ZCCHC2: variants seen among roughly 807,000 people sequenced by gnomAD.
ZCCHC2 encodes the protein zinc finger CCHC-type containing 2, also known as zinc finger CCHC domain-containing protein 2.
In ZCCHC2, 39 loss-of-function variants were observed where a neutral mutation model predicts 103.6. The observed-to-expected ratio is 0.38, with a 90% CI of 0.29 to 0.49. The LOEUF (loss-of-function observed/expected upper bound fraction) is 0.49. Among genes scored for constraint, ZCCHC2 ranks in the 20% least tolerant of loss-of-function variants. The pLI is 0.96. For synonymous variants in ZCCHC2, 687 were observed against 608.9 expected (o/e 1.13, Z -1.89); for missense variants, 1,483 against 1,491.0 (o/e 0.99, Z 0.09).
intron 4 of ZCCHC2, among the ~76,000 whole-genome samples, chr18:62,547,322 T>C (rs1331786309): frequency 1.0e-5 from 1 of 100,342 alleles, no homozygotes; most frequent in Non-Finnish European, 2.0e-5. Context: ...CAAAACTCCA[T>C]CTTAAAAAAA....
At chr18:62,568,907 G>A (rs1916480244) in intron 11 of ZCCHC2, among the ~76,000 whole-genome samples, 1 of 152,182 alleles carries the variant, frequency 6.6e-6, no homozygotes, top group African/African-American at 2.4e-5. Flanking sequence ...AGCCATTGGT[G>A]GTGTTGACTT....
In ZCCHC2 at chr18:62,563,135, G is replaced by A. The variant is rs759060819; in HGVS notation, c.1677G>A (p.Ser559=). 35 of 1,612,882 alleles carry A rather than the reference G, an allele frequency of 2.2e-5. No individual in the cohort carries two copies. Among genetic ancestry groups the A allele is most frequent in the Middle Eastern group, 1.6e-4 (1 of 6,082 alleles). ...TIQHPEHCVT[S]ADQHSAEKRS... is the part of the protein sequence containing the mutation. ...AACACCCAGAGCACTGTGTGACCTCGGCTGACCAGGTGTGTGGGGAGTTTG... is the reference window on the plus strand; with the variant it reads ...AACACCCAGAGCACTGTGTGACCTCAGCTGACCAGGTGTGTGGGGAGTTTG... Residue 559 remains serine (S), a synonymous_variant, in exon 9 of 14, where the codon TCG becomes TCA. Coordinates refer to ENST00000269499, the MANE Select transcript of ZCCHC2 (RefSeq NM_017742.6).
At chr18:62,564,368 G>A (rs1456633205) in intron 9 of ZCCHC2, among the ~76,000 whole-genome samples, 1 of 152,148 alleles carries the variant, frequency 6.6e-6, no homozygotes, top group Admixed American at 6.5e-5. Context: ...AAATAATACT[G>A]TATTAATCAT....
At chr18:62,570,308 T>C in intron 12 of ZCCHC2, 77 bp downstream of exon 12, 1 of 1,533,218 alleles carries the variant, frequency 6.5e-7, no homozygotes, top group Non-Finnish European at 8.8e-7. Flanking sequence ...TGTTTCTTCA[T>C]GTCAAAGTCA....
intron 3 of ZCCHC2, among the ~76,000 whole-genome samples, chr18:62,543,867 CAA>C (rs35580462): frequency 0.23 from 34,943 of 152,030 alleles, 4,164 homozygotes; most frequent in South Asian, 0.29. Context: ...ATCCCTGACA[CAA>C]GAGTCAGAAC....
intron 13 of ZCCHC2, among the ~76,000 whole-genome samples, chr18:62,576,166 T>C (rs1385547601): frequency 6.6e-6 from 1 of 152,262 alleles, no homozygotes. Flanking sequence ...GTCTTACCTA[T>C]GTTTGAGTAA....
At position 62,523,469 on chromosome 18, in the gene ZCCHC2, G is replaced by A; in HGVS notation, c.45G>A (p.Glu15=). The A allele has an allele frequency of 9.2e-7, 1 of 1,089,052 alleles. No homozygotes were observed. Among genetic ancestry groups the A allele is most frequent in the South Asian group, 2.2e-5 (1 of 45,602 alleles). 67.5% of individuals were successfully genotyped at this position (1,089,052 alleles called of 1,614,324 possible). A position where few individuals can be genotyped will look rare whatever the true frequency, so the allele number is the denominator to read the frequency against. The part of the protein sequence containing the change: ...KLPLKPTHPA[E]PPPEAEEPEA... ...CGCTGAAGCCAACGCACCCCGCGGA[G>A]CCGCCGCCCGAGGCGGAGGAGCCCG... The change falls in exon 1 of 14, where the codon GAG becomes GAA. Residue 15 remains glutamate (E), a synonymous_variant. Transcript: ENST00000269499.
intron 3 of ZCCHC2, among the ~76,000 whole-genome samples, chr18:62,544,222 A>G (rs891685015): frequency 1.3e-4 from 20 of 152,236 alleles, no homozygotes; most frequent in Non-Finnish European, 4.4e-5. Flanking sequence ...CACACACCTC[A>G]GTAACCTAAC....
intron 1 of ZCCHC2, among the ~76,000 whole-genome samples, chr18:62,537,852 GACTGTCTTCA>G (rs966302250): frequency 6.6e-5 from 10 of 152,296 alleles, no homozygotes; most frequent in African/African-American, 2.2e-4. Context: ...GGAACTGCCT[GACTGTCTTCA>G]ACAGTAGCTA....
At chr18:62,573,930 C>G (rs777452234) in intron 12 of ZCCHC2, 127 bp from the exon 13 acceptor site, 10 of 938,108 alleles carry the variant, frequency 1.1e-5, no homozygotes, top group Non-Finnish European at 1.4e-5. Context: ...TCAGCTTGGA[C>G]AGTCAGGAAA....
intron 1 of ZCCHC2, 74 bp downstream of exon 1, chr18:62,524,437 ACGCCCCTTGCC>A: frequency 2.8e-6 from 4 of 1,422,872 alleles, no homozygotes; most frequent in Non-Finnish European, 3.6e-6. Context: ...TCGCTCTCGG[ACGCCCCTTGCC>A]CGAGCCCCAG....
At chr18:62,527,704 C>T (rs1460519588) in intron 1 of ZCCHC2, among the ~76,000 whole-genome samples, 1 of 152,050 alleles carries the variant, frequency 6.6e-6, no homozygotes, top group Non-Finnish European at 1.5e-5. Context: ...TGTGAGTGTC[C>T]TAGGAACTCT....
chr18:62,560,690 A>C (rs766422059), intron 8 of ZCCHC2, 46 bp downstream of exon 8: 3 of 1,437,860 alleles, frequency 2.1e-6, no homozygotes, highest in South Asian at 2.4e-5. Context: ...GTATGTTTTA[A>C]AATCAATGTA....
chr18:62,567,012 C>T (rs967443152), intron 11 of ZCCHC2, among the ~76,000 whole-genome samples: 3 of 152,152 alleles, frequency 2.0e-5, no homozygotes, highest in Non-Finnish European at 4.4e-5. Flanking sequence ...ATGAAAATAA[C>T]AACCTCAGCG....
At chr18:62,544,640 T>G (rs1915336237) in intron 3 of ZCCHC2, among the ~76,000 whole-genome samples, 162 bp from the exon 4 acceptor site, 1 of 152,242 alleles carries the variant, frequency 6.6e-6, no homozygotes, top group African/African-American at 2.4e-5. Context: ...GCAGTTAATT[T>G]TACTAATTTT....
intron 1 of ZCCHC2, among the ~76,000 whole-genome samples, chr18:62,532,797 A>G (rs1435604978): frequency 6.6e-6 from 1 of 152,230 alleles, no homozygotes; most frequent in Non-Finnish European, 1.5e-5. Flanking sequence ...GCACTGTGGG[A>G]AGCTGAGGCG....
intron 5 of ZCCHC2, chr18:62,552,508 G>A (rs999894824): frequency 1.3e-5 from 2 of 152,088 alleles, no homozygotes; most frequent in African/African-American, 4.8e-5. Flanking sequence ...AAAAGTATTT[G>A]TACTGTATTT....
rs1914183695 is a variant in ZCCHC2 at position 62,523,724 on chromosome 18, G to C, written c.300G>C (p.Glu100Asp). 6.6e-7 allele frequency: 1 copy of C among 1,516,894 alleles called. No homozygotes were observed. The highest frequency in any genetic ancestry group is 8.8e-7 in the Non-Finnish European group (1 of 1,140,248). 94.0% of individuals were successfully genotyped at this position (1,516,894 alleles called of 1,614,324 possible). A position where few individuals can be genotyped will look rare whatever the true frequency, so the allele number is the denominator to read the frequency against. ...AALREQERVY[E>D]WFGLVLGSAQ... ...TGCGCGAGCAGGAGCGGGTATACGA[G>C]TGGTTCGGGCTGGTGCTGGGCTCGG... Residue 100 changes from glutamate to aspartate, a missense_variant, in exon 1 of 14, where the codon GAG (glutamate) becomes GAC (aspartate). Coordinates refer to ENST00000269499, the MANE Select transcript of ZCCHC2 (RefSeq NM_017742.6).
Position 62,574,762 on chromosome 18 carries a change from A to G in ZCCHC2, c.2681A>G (p.Gln894Arg), listed in dbSNP as rs1469122301. 3.7e-6 allele frequency: 6 copies of G among 1,614,044 alleles called. No individual in the cohort carries two copies. The highest frequency in any genetic ancestry group is 5.1e-6 in the Non-Finnish European group (6 of 1,179,894). Residue 894 changes from glutamine (Q) to arginine (R), a missense_variant, in exon 13 of 14, where the codon CAG (glutamine) becomes CGG (arginine). By Grantham distance (43) the Gln-to-Arg change is conservative. This residue lies in a region of ZCCHC2 where 884 missense variants were observed against 907.5 expected (regional missense o/e 0.97). Coordinates refer to ENST00000269499, the MANE Select transcript of ZCCHC2 (RefSeq NM_017742.6). ...QIEGNTGTVP[Q>R]PTNVKVVLPA... Reference sequence around the variant, plus strand: ...GAGGGAAACACAGGGACAGTCCCTCAGCCTACCAATGTGAAGGTAGTTCTT... The same window carrying G: ...GAGGGAAACACAGGGACAGTCCCTCGGCCTACCAATGTGAAGGTAGTTCTT...
Sources: allele counts gnomAD v4.1 joint callset (sites outside exome capture counted in the v4.1 genomes callset), GRCh38; gene constraint gnomAD v4.1.1; regional missense constraint gnomAD v4.1.1; transcripts MANE v1.5; gene names NCBI Gene and HGNC (gene_info 2026-07-23, HGNC 2026-07-21).